The following MORC3 variants were observed in gnomAD, a reference collection of about 807,000 sequenced individuals.
MORC3 encodes the protein MORC family CW-type zinc finger 3.
A neutral mutation model predicts 109.1 loss-of-function variants in MORC3; 31 were observed. The ratio of observed to expected loss-of-function variants is 0.28; its 90% CI spans 0.21 to 0.38. The LOEUF is 0.38. Ranked by LOEUF, MORC3 falls within the 10% of genes least tolerant of loss-of-function variation. The pLI is 1.00. For synonymous variants in MORC3, 395 were observed against 380.7 expected, an observed-to-expected ratio of 1.04 and a Z score of -0.44; for missense variants, 867 against 1,135.8, an observed-to-expected ratio of 0.76 and a Z score of 3.40.
rs141439243 is a variant in MORC3, at chr21:36,336,714, T to C, written c.113-160T>C. ...TTTATTTTCATGTTTTTAAATCTTA[T>C]TTTCATGTTTAAAATCTTTAAATTT... is the stretch of plus-strand genomic sequence containing the variant. On this transcript the variant is annotated intron_variant, in intron 2 of 16. Coordinates refer to ENST00000400485, the MANE Select transcript of MORC3 (RefSeq NM_015358.3). Among the ~76,000 whole-genome samples the C allele has an allele frequency of 6.2e-3, 944 of 152,342 alleles. 10 individuals carry two copies. The highest frequency in any genetic ancestry group is 0.022 in the African/African-American group (908 of 41,570).
chr21:36,341,622 G>C (rs1257171433), intron 6 of MORC3, 76 bp downstream of exon 6: 1 of 1,572,540 alleles, frequency 6.4e-7, no homozygotes, highest in Non-Finnish European at 8.6e-7. Flanking sequence ...CATGTTACCT[G>C]CTTGTGATAG....
chr21:36,369,090 T>C lies in MORC3; in HGVS notation c.1722T>C (p.Asp574=), dbSNP rs755429632. The part of the protein sequence containing the change: ...ENSVYKGDDD[D]EDVIILEENS... ...CAGTTTATAAAGGTGATGATGATGA[T>C]GAAGATGTCATCATCTTAGAAGAAA... The change falls in exon 15 of 17, where the codon GAT becomes GAC. Residue 574 remains aspartate (D), a synonymous_variant. Coordinates refer to ENST00000400485, the MANE Select transcript of MORC3 (RefSeq NM_015358.3). 4 of 1,613,928 alleles carry C rather than the reference T, an allele frequency of 2.5e-6. No homozygotes were observed. The African/African-American group carries it at 4.0e-5, about 16-fold the overall frequency.
At chr21:36,334,227 C>T (rs957748892) in intron 2 of MORC3, among the ~76,000 whole-genome samples, 1 of 152,038 alleles carries the variant, frequency 6.6e-6, no homozygotes, top group Non-Finnish European at 1.5e-5. Flanking sequence ...TGCATTCCAG[C>T]CTGGGCAGGC....
chr21:36,337,344 A>G (rs934109290), intron 3 of MORC3, among the ~76,000 whole-genome samples: 2 of 152,176 alleles, frequency 1.3e-5, no homozygotes, highest in Admixed American at 6.6e-5. Flanking sequence ...TTTTAGAGGA[A>G]GAGATTCATG....
intron 13 of MORC3, among the ~76,000 whole-genome samples, chr21:36,363,068 G>A (rs2085738616): frequency 6.6e-6 from 1 of 152,014 alleles, no homozygotes; most frequent in South Asian, 2.1e-4. Context: ...AAGAGCTTTG[G>A]TTGAGTATAG....
intron 10 of MORC3, among the ~76,000 whole-genome samples, chr21:36,358,439 A>G (rs2085671169): frequency 6.6e-6 from 1 of 152,014 alleles, no homozygotes; most frequent in Non-Finnish European, 1.5e-5. Flanking sequence ...ATTGACATTA[A>G]GGTGAAGTTT....
intron 2 of MORC3, 71 bp downstream of exon 2, chr21:36,333,789 GT>G (rs376936555): frequency 0.016 from 14,672 of 907,196 alleles, no homozygotes; most frequent in East Asian, 0.018. Flanking sequence ...GTTTTGTTTT[GT>G]TTTTTTTTTT....
At chr21:36,322,435 G>C (rs887234137) in intron 1 of MORC3, among the ~76,000 whole-genome samples, 4 of 152,048 alleles carry the variant, frequency 2.6e-5, no homozygotes, top group Middle Eastern at 3.2e-3. Context: ...GCAGTGGCAC[G>C]ATCTCGGCTC....
chr21:36,346,826 A>T (rs1177696810), intron 8 of MORC3, among the ~76,000 whole-genome samples: 1 of 151,668 alleles, frequency 6.6e-6, no homozygotes, highest in African/African-American at 2.4e-5. Flanking sequence ...CAAACAAACA[A>T]AAATCGTCTC....
At chr21:36,373,641 G>T (rs1407338259) in intron 16 of MORC3, among the ~76,000 whole-genome samples, 2 of 151,632 alleles carry the variant, frequency 1.3e-5, no homozygotes, top group Non-Finnish European at 2.9e-5. Context: ...AAAAAAGCTG[G>T]TATGGGAACG....
chr21:36,345,196 ACTCCCCTCCC>A (rs147413549), intron 8 of MORC3, among the ~76,000 whole-genome samples, 165 bp downstream of exon 8: 1 of 147,162 alleles, frequency 6.8e-6, no homozygotes, highest in African/African-American at 2.5e-5. Context: ...ACTTTTATTA[ACTCCCCTCCC>A]CTCCCCTCCC....
chr21:36,338,091 A>G (rs1418627607), intron 4 of MORC3, 145 bp downstream of exon 4: 3 of 774,214 alleles, frequency 3.9e-6, no homozygotes, highest in African/African-American at 3.5e-5. Context: ...TTTACCCTAC[A>G]CCTGAGGCTA....
Position 36,369,192 on chromosome 21 carries a change from T to C in MORC3, c.1824T>C (p.Val608=). The C allele has an allele frequency of 6.2e-7, 1 of 1,614,162 alleles. No individual in the cohort carries two copies. Among genetic ancestry groups the C allele is most frequent in the Non-Finnish European group, 8.5e-7 (1 of 1,180,032 alleles). ...SEQSHVEQGG[V]QVEFVGDSEP... ...AGAGTCACGTTGAGCAAGGTGGTGT[T>C]CAGGTTGAGTTTGTGGGTGACAGTG... The change falls in exon 15 of 17, where the codon GTT becomes GTC. Residue 608 remains valine (V), a synonymous_variant. Transcript: ENST00000400485.
chr21:36,344,124 T>G (rs747055657), intron 6 of MORC3, among the ~76,000 whole-genome samples: 8 of 151,976 alleles, frequency 5.3e-5, no homozygotes, highest in Non-Finnish European at 1.2e-4. Flanking sequence ...TTTAGTTTTG[T>G]GTTGAATCTT....
intron 8 of MORC3, among the ~76,000 whole-genome samples, chr21:36,347,307 C>T (rs2085519999): frequency 6.6e-6 from 1 of 152,170 alleles, no homozygotes. Flanking sequence ...CCAAATATAG[C>T]ATATTTGCAG....
Position 36,341,400 on chromosome 21 carries a change from T to C in MORC3, c.610T>C (p.Tyr204His). Residue 204 changes from tyrosine (Y) to histidine (H), a missense_variant and splice_region_variant, in exon 6 of 17, where the codon TAC (tyrosine) becomes CAC (histidine). Around this residue, in one of 7 missense-constraint regions of MORC3, gnomAD observed 134 missense variants for 166.6 expected, o/e 0.80. Transcript: ENST00000400485. Reference protein sequence around the residue: ...TRIIIWNLRSYKNATEFDFEK... With the variant: ...TRIIIWNLRSHKNATEFDFEK... The stretch of plus-strand genomic sequence containing the variant: ...TCTTTCTAAAAATTATTTTTACAGC[T>C]ACAAAAATGCAACAGAGTTCGATTT... The C allele has an allele frequency of 1.3e-6, 2 of 1,596,068 alleles. No homozygotes were observed. The highest frequency in any genetic ancestry group is 1.7e-6 in the Non-Finnish European group (2 of 1,175,100).
chr21:36,365,681 T>C (rs567224708), intron 14 of MORC3, among the ~76,000 whole-genome samples: 133 of 152,230 alleles, frequency 8.7e-4, no homozygotes, highest in African/African-American at 3.0e-3. Flanking sequence ...TCCTGGTTCA[T>C]GCGATTCCCC....
intron 1 of MORC3, among the ~76,000 whole-genome samples, chr21:36,332,906 GC>G (rs896380058): frequency 6.6e-6 from 1 of 151,300 alleles, no homozygotes; most frequent in African/African-American, 2.4e-5. Context: ...TCCTGCCTCA[GC>G]CTCCCGAGTA....
chr21:36,372,411 C>A lies in MORC3; in HGVS notation c.2546C>A (p.Ser849Ter). 1 of 1,592,944 alleles carries A rather than the reference C, an allele frequency of 6.3e-7. No individual in the cohort carries two copies. Among genetic ancestry groups the A allele is most frequent in the South Asian group, 1.2e-5 (1 of 86,442 alleles). ...LLEMEKSQIR[S>*]QCEELKTEVE... is the part of the protein sequence containing the mutation. ...GAAATGGAAAAGTCACAAATCCGTT[C>A]ACAGTGTGAAGAACTCAAAACTGAA... Residue 849 changes from serine to a stop codon, truncating the protein, a stop_gained, in exon 16 of 17, where the codon TCA becomes TAA. Coordinates refer to ENST00000400485, the MANE Select transcript of MORC3 (RefSeq NM_015358.3). LOFTEE classifies it high-confidence loss of function.
Sources: allele counts gnomAD v4.1 joint callset (sites outside exome capture counted in the v4.1 genomes callset), GRCh38; gene constraint gnomAD v4.1.1; regional missense constraint gnomAD v4.1.1; transcripts MANE v1.5; gene names NCBI Gene and HGNC (gene_info 2026-07-23, HGNC 2026-07-21).